The following KCNJ6 variants were observed in gnomAD, a reference collection of about 807,000 sequenced individuals.
KCNJ6 encodes potassium inwardly rectifying channel subfamily J member 6, also known as G protein-activated inward rectifier potassium channel 2.
KCNJ6 carries 9 observed loss-of-function variants against 34.2 expected under a neutral mutation model. The ratio of observed to expected loss-of-function variants is 0.26; its 90% CI spans 0.16 to 0.46. The LOEUF (loss-of-function observed/expected upper bound fraction) is 0.46. KCNJ6 is among the 20% of genes least tolerant of loss of function. KCNJ6 has a pLI of 1.00. For missense variants in KCNJ6, 236 were observed against 531.3 expected (o/e 0.44, Z 5.46); for synonymous variants, 196 against 207.1 (o/e 0.95, Z 0.46).
intron 2 of KCNJ6, among the ~76,000 whole-genome samples, chr21:37,727,758 A>G (rs1187513378): frequency 6.6e-6 from 1 of 152,166 alleles, no homozygotes; most frequent in African/African-American, 2.4e-5. Context: ...ACGGAGAAAG[A>G]TGGGGGAGAA....
intron 1 of KCNJ6, among the ~76,000 whole-genome samples, chr21:37,862,849 C>G (rs2055601574): frequency 6.6e-6 from 1 of 152,090 alleles, no homozygotes; most frequent in Non-Finnish European, 1.5e-5. Context: ...CATTTGTTGC[C>G]AGGAGGAAAA....
At chr21:37,651,467 A>G (rs1478054510) in intron 3 of KCNJ6, among the ~76,000 whole-genome samples, 1 of 152,196 alleles carries the variant, frequency 6.6e-6, no homozygotes, top group Non-Finnish European at 1.5e-5. Flanking sequence ...GCAAGAATGA[A>G]CAAACCGAGA....
At chr21:37,823,002 C>T (rs1018547090) in intron 2 of KCNJ6, among the ~76,000 whole-genome samples, 1 of 152,138 alleles carries the variant, frequency 6.6e-6, no homozygotes, top group African/African-American at 2.4e-5. Flanking sequence ...AGGCAAGAGA[C>T]TATAGCACCA....
At chr21:37,707,735 G>GTGTGTGTGTGT (rs1267356647) in intron 3 of KCNJ6, among the ~76,000 whole-genome samples, 39 of 149,790 alleles carry the variant, frequency 2.6e-4, no homozygotes, top group African/African-American at 4.0e-4. Context: ...GTGTGTGTGT[G>GTGTGTGTGTGT]AATAATTTAC....
intron 1 of KCNJ6, among the ~76,000 whole-genome samples, chr21:37,863,110 T>G (rs1032858449): frequency 2.4e-4 from 37 of 152,330 alleles, no homozygotes; most frequent in African/African-American, 8.2e-4. Context: ...AGGAAAAACA[T>G]GTTTTATAGT....
intron 2 of KCNJ6, among the ~76,000 whole-genome samples, chr21:37,780,844 A>G (rs2055165898): frequency 1.3e-5 from 2 of 152,226 alleles, no homozygotes; most frequent in African/African-American, 4.8e-5. Flanking sequence ...TACCCTATAC[A>G]TATATATAGC....
chr21:37,679,833 C>T (rs755883329), intron 3 of KCNJ6, among the ~76,000 whole-genome samples: 16 of 152,150 alleles, frequency 1.1e-4, no homozygotes, highest in Non-Finnish European at 1.2e-4. Flanking sequence ...CATACTGTCG[C>T]CTTTCTAGAC....
In KCNJ6 at chr21:37,614,935, A is replaced by G. The variant is rs2123351771; in HGVS notation, c.*10224T>C. The G allele has an allele frequency of 6.6e-6, 1 of 152,312 alleles. No individual in the cohort carries two copies. Among genetic ancestry groups the G allele is most frequent in the Middle Eastern group, 3.4e-3 (1 of 294 alleles). 9.4% of individuals were successfully genotyped at this position (152,312 alleles called of 1,614,324 possible). A position where few individuals can be genotyped will look rare whatever the true frequency, so the allele number is the denominator to read the frequency against. On this transcript the variant is annotated 3_prime_UTR_variant, in exon 4 of 4. Coordinates refer to ENST00000609713, the MANE Select transcript of KCNJ6 (RefSeq NM_002240.5). ...TTCAGAGGAATCCTCATTCTTTTAGAAAAGGAAAAAATCTCTATGAAGGTG... is the reference window on the plus strand; with the variant it reads ...TTCAGAGGAATCCTCATTCTTTTAGGAAAGGAAAAAATCTCTATGAAGGTG...
At chr21:37,705,711 G>C (rs1436233517) in intron 3 of KCNJ6, among the ~76,000 whole-genome samples, 2 of 152,212 alleles carry the variant, frequency 1.3e-5, no homozygotes, top group African/African-American at 4.8e-5. Flanking sequence ...TGGAGACAGA[G>C]TTTGAATTCA....
chr21:37,751,209 T>C (rs1399596), intron 2 of KCNJ6, among the ~76,000 whole-genome samples: 32,859 of 152,222 alleles, frequency 0.22, 4,229 homozygotes, highest in East Asian at 0.36. Context: ...CAGTAGCCTT[T>C]GCCCCTAATC....
chr21:37,768,456 A>G (rs971816117), intron 2 of KCNJ6, among the ~76,000 whole-genome samples: 1 of 152,252 alleles, frequency 6.6e-6, no homozygotes, highest in Non-Finnish European at 1.5e-5. Context: ...AGGAAAAAGT[A>G]GGGAAGAAGA....
Position 37,616,371 on chromosome 21 carries a change from A to G in KCNJ6, c.*8788T>C, listed in dbSNP as rs1432516015. 8 of 151,594 alleles carry G rather than the reference A, an allele frequency of 5.3e-5. No homozygotes were observed. The highest frequency in any genetic ancestry group is 3.3e-4 in the Admixed American group (5 of 15,200). The allele number at this position is 151,594 out of a possible 1,614,324, so 9.4% of individuals were successfully genotyped here. A position where few individuals can be genotyped will look rare whatever the true frequency, so the allele number is the denominator to read the frequency against. On this transcript the variant is annotated 3_prime_UTR_variant, in exon 4 of 4. Coordinates refer to ENST00000609713, the MANE Select transcript of KCNJ6 (RefSeq NM_002240.5). ...TGGCTCTTGGTTAAGACGAGGAAGCACTGGGCTGAATAAAGATGTTCAGGA... is the reference window on the plus strand; with the variant it reads ...TGGCTCTTGGTTAAGACGAGGAAGCGCTGGGCTGAATAAAGATGTTCAGGA...
chr21:37,796,024 C>T lies in KCNJ6; in HGVS notation c.25+44634G>A, dbSNP rs185545226. On this transcript the variant is annotated intron_variant, in intron 2 of 3. Coordinates refer to ENST00000609713, the MANE Select transcript of KCNJ6 (RefSeq NM_002240.5). Reference sequence around the variant, plus strand: ...GCAATTGAGATGTAGAAGAATAATCCGTTCTATGGGAGCCTGAGGGGAAGG... The same window carrying T: ...GCAATTGAGATGTAGAAGAATAATCTGTTCTATGGGAGCCTGAGGGGAAGG... Among the ~76,000 whole-genome samples, 295 of 152,154 alleles carry T rather than the reference C, an allele frequency of 1.9e-3. 3 individuals carry two copies. Among genetic ancestry groups the T allele is most frequent in the Admixed American group, 0.018 (274 of 15,284 alleles).
chr21:37,809,489 A>C (rs535924302), intron 2 of KCNJ6, among the ~76,000 whole-genome samples: 24 of 152,204 alleles, frequency 1.6e-4, no homozygotes, highest in African/African-American at 5.5e-4. Flanking sequence ...ACAAACCTGC[A>C]CATTGTGCAC....
intron 2 of KCNJ6, among the ~76,000 whole-genome samples, chr21:37,754,164 G>C (rs1484472184): frequency 6.6e-6 from 1 of 152,184 alleles, no homozygotes; most frequent in Non-Finnish European, 1.5e-5. Flanking sequence ...CTAGAGGAAG[G>C]ACATCTTTAG....
chr21:37,821,219 A>G (rs539387898), intron 2 of KCNJ6, among the ~76,000 whole-genome samples: 3 of 152,342 alleles, frequency 2.0e-5, no homozygotes, highest in East Asian at 3.9e-4. Context: ...TGAATTTCAC[A>G]TAACAAAAAA....
At chr21:37,858,570 G>T (rs148039075) in intron 1 of KCNJ6, among the ~76,000 whole-genome samples, 1 of 151,920 alleles carries the variant, frequency 6.6e-6, no homozygotes, top group Non-Finnish European at 1.5e-5. Context: ...AAGCATAAAG[G>T]GCACATAGAA....
intron 2 of KCNJ6, among the ~76,000 whole-genome samples, chr21:37,795,789 C>G (rs1327898982): frequency 1.3e-5 from 2 of 149,290 alleles, no homozygotes; most frequent in Non-Finnish European, 3.0e-5. Flanking sequence ...CACATTTTTT[C>G]TGAGGGTTAA....
At chr21:37,671,328 G>A (rs2054541378) in intron 3 of KCNJ6, among the ~76,000 whole-genome samples, 1 of 152,194 alleles carries the variant, frequency 6.6e-6, no homozygotes, top group Non-Finnish European at 1.5e-5. Context: ...ACTGAGTTCT[G>A]GGGGCTTCTG....
Sources: gnomAD v4.1 joint callset for allele counts (sites outside exome capture counted in the v4.1 genomes callset) on GRCh38, gnomAD v4.1.1 for gene constraint, MANE v1.5 for transcripts, NCBI Gene and HGNC (gene_info 2026-07-23, HGNC 2026-07-21) for gene names.